The following MGAT4C variants were observed in gnomAD, a reference collection of about 807,000 sequenced individuals.
MGAT4C encodes alpha-1,3-mannosyl-glycoprotein 4-beta-N-acetylglucosaminyltransferase C.
In MGAT4C, 19 loss-of-function variants were observed where a neutral mutation model predicts 40.1. The observed-to-expected ratio is 0.47, with a 90% confidence interval of 0.33 to 0.70. MGAT4C has a LOEUF of 0.70. MGAT4C is among the 30% of genes least tolerant of loss of function. MGAT4C has a pLI of 0.02. For synonymous variants in MGAT4C, 181 were observed against 187.1 expected (o/e 0.97, Z 0.27); for missense variants, 491 against 563.2 (o/e 0.87, Z 1.30).
chr12:86,757,622 G>A (rs1396498929), intron 1 of MGAT4C, among the ~76,000 whole-genome samples: 2 of 152,086 alleles, frequency 1.3e-5, no homozygotes, highest in East Asian at 3.9e-4. Context: ...CCTGCATAGA[G>A]TTTAATATTT....
At chr12:86,093,050 C>A (rs1199537545) in intron 1 of MGAT4C, among the ~76,000 whole-genome samples, 1 of 152,050 alleles carries the variant, frequency 6.6e-6, no homozygotes, top group African/African-American at 2.4e-5. Flanking sequence ...ATTCTCCTCC[C>A]TGTGTCCATG....
intron 1 of MGAT4C, among the ~76,000 whole-genome samples, chr12:86,831,683 C>T (rs1347731900): frequency 2.0e-5 from 3 of 151,772 alleles, no homozygotes; most frequent in Admixed American, 6.6e-5. Flanking sequence ...GTATTGTTCT[C>T]CTGTGTCCAG....
At chr12:86,196,795 C>T (rs1019579314) in intron 1 of MGAT4C, among the ~76,000 whole-genome samples, 3 of 152,100 alleles carry the variant, frequency 2.0e-5, no homozygotes, top group Admixed American at 6.6e-5. Context: ...TCCAGCCACA[C>T]ACTTTGTCTC....
At chr12:86,641,054 T>C (rs943519719) in intron 2 of MGAT4C, among the ~76,000 whole-genome samples, 3 of 152,004 alleles carry the variant, frequency 2.0e-5, no homozygotes, top group South Asian at 2.1e-4. Flanking sequence ...ACGTGTGGTG[T>C]GGTGCGGAAA....
At chr12:86,030,279 TTA>T (rs1294808091) in intron 2 of MGAT4C, among the ~76,000 whole-genome samples, 1 of 151,768 alleles carries the variant, frequency 6.6e-6, no homozygotes, top group African/African-American at 2.4e-5. Context: ...TGTATGATGT[TTA>T]TGTGTATAGA....
intron 2 of MGAT4C, among the ~76,000 whole-genome samples, chr12:86,447,531 C>T (rs1313795444): frequency 6.6e-6 from 1 of 151,952 alleles, no homozygotes; most frequent in Admixed American, 6.6e-5. Context: ...AAATCTTTAC[C>T]CTTCATGAGT....
intron 2 of MGAT4C, among the ~76,000 whole-genome samples, chr12:86,483,143 G>A (rs1169232512): frequency 2.0e-5 from 3 of 152,134 alleles, no homozygotes; most frequent in Admixed American, 2.0e-4. Flanking sequence ...CATGGCAGAA[G>A]GGGTGAAGGA....
intron 3 of MGAT4C, among the ~76,000 whole-genome samples, chr12:86,411,728 C>G (rs1022940211): frequency 6.6e-6 from 1 of 152,122 alleles, no homozygotes; most frequent in Non-Finnish European, 1.5e-5. Context: ...CTGCAGAAAT[C>G]TATATAAGTA....
At chr12:86,142,227 T>A (rs1334927100) in intron 1 of MGAT4C, among the ~76,000 whole-genome samples, 1 of 152,142 alleles carries the variant, frequency 6.6e-6, no homozygotes, top group Non-Finnish European at 1.5e-5. Flanking sequence ...AAGGTGGTCA[T>A]GTGGATGTGA....
At chr12:86,807,066 A>C (rs1593225705) in intron 1 of MGAT4C, among the ~76,000 whole-genome samples, 1 of 152,034 alleles carries the variant, frequency 6.6e-6, no homozygotes, top group East Asian at 1.9e-4. Context: ...AAAACGTCTT[A>C]TATATGAAAC....
At chr12:86,199,224 C>T (rs779762504) in intron 1 of MGAT4C, among the ~76,000 whole-genome samples, 3 of 151,872 alleles carry the variant, frequency 2.0e-5, no homozygotes, top group Non-Finnish European at 4.4e-5. Flanking sequence ...TAAGGATGCT[C>T]GTGGAATCCT....
intron 1 of MGAT4C, among the ~76,000 whole-genome samples, chr12:86,172,301 C>T (rs1465366135): frequency 6.6e-6 from 1 of 152,130 alleles, no homozygotes; most frequent in Non-Finnish European, 1.5e-5. Context: ...AGCTAAATTT[C>T]TTCATCTACA....
At chr12:86,330,974 A>G (rs755090502) in intron 4 of MGAT4C, among the ~76,000 whole-genome samples, 14 of 152,190 alleles carry the variant, frequency 9.2e-5, no homozygotes, top group Non-Finnish European at 1.9e-4. Flanking sequence ...ATATGTTAGC[A>G]GTGGTGAATC....
At chr12:86,027,222 T>C (rs1227742700) in intron 2 of MGAT4C, among the ~76,000 whole-genome samples, 1 of 151,944 alleles carries the variant, frequency 6.6e-6, no homozygotes, top group Non-Finnish European at 1.5e-5. Flanking sequence ...TTCATGGGTA[T>C]TTTCCTGGCT....
chr12:86,512,527 T>A (rs942269896), intron 2 of MGAT4C, among the ~76,000 whole-genome samples: 14 of 152,126 alleles, frequency 9.2e-5, no homozygotes, highest in African/African-American at 3.4e-4. Flanking sequence ...TATGGAAATT[T>A]TTAATTGTCC....
chr12:85,962,959 A>G lies in MGAT4C; in HGVS notation c.*16330T>C, dbSNP rs567682862. ...CTTACCTACTTGCAAAAAAAATTACATAAACAAGTATTTCCTAGAGTTCAA... is the reference window on the plus strand; with the variant it reads ...CTTACCTACTTGCAAAAAAAATTACGTAAACAAGTATTTCCTAGAGTTCAA... On this transcript the variant is annotated 3_prime_UTR_variant, in exon 5 of 5. Coordinates refer to ENST00000611864, the MANE Select transcript of MGAT4C (RefSeq NM_001351288.2). 1 of 151,884 alleles carries G rather than the reference A, an allele frequency of 6.6e-6. No homozygotes were observed. The highest frequency in any genetic ancestry group is 6.6e-5 in the Admixed American group (1 of 15,248). 9.4% of individuals were successfully genotyped at this position (151,884 alleles called of 1,614,324 possible). A position where few individuals can be genotyped will look rare whatever the true frequency, so the allele number is the denominator to read the frequency against.
chr12:86,664,789 T>C (rs1964063997), intron 2 of MGAT4C, among the ~76,000 whole-genome samples: 1 of 152,174 alleles, frequency 6.6e-6, no homozygotes, highest in South Asian at 2.1e-4. Context: ...ATATTTACTA[T>C]AGAAAAAAAC....
chr12:86,551,634 T>C (rs904305001), intron 2 of MGAT4C, among the ~76,000 whole-genome samples: 1 of 152,172 alleles, frequency 6.6e-6, no homozygotes, highest in African/African-American at 2.4e-5. Context: ...TAGGTGGCTG[T>C]GCCCCCACCC....
intron 1 of MGAT4C, among the ~76,000 whole-genome samples, chr12:86,172,042 A>G (rs1343132316): frequency 6.6e-6 from 1 of 152,164 alleles, no homozygotes; most frequent in Non-Finnish European, 1.5e-5. Context: ...TTACCATAAC[A>G]TTTCTTTTGA....
Sources: allele counts gnomAD v4.1 joint callset (sites outside exome capture counted in the v4.1 genomes callset), GRCh38; gene constraint gnomAD v4.1.1; transcripts MANE v1.5; gene names NCBI Gene and HGNC (gene_info 2026-07-23, HGNC 2026-07-21).